The following PACRG variants were observed in gnomAD, a reference collection of about 807,000 sequenced individuals.
The protein encoded by PACRG is parkin coregulated gene protein.
PACRG carries 29 observed loss-of-function variants against 29.7 expected under a neutral mutation model. The observed-to-expected ratio is 0.98, with a 90% CI of 0.73 to 1.33. PACRG has a LOEUF of 1.33. PACRG is among the 40% of genes most tolerant of loss of function. The pLI, the probability that PACRG is intolerant of heterozygous loss-of-function variation, is 0.00. For synonymous variants in PACRG, 116 were observed against 118.7 expected (o/e 0.98, Z 0.15); for missense variants, 279 against 316.2 (o/e 0.88, Z 0.89).
At chr6:163,265,402 G>GT (rs544876655) in intron 4 of PACRG, among the ~76,000 whole-genome samples, 63 of 152,272 alleles carry the variant, frequency 4.1e-4, no homozygotes, top group African/African-American at 1.5e-3. Context: ...AGGGAAGGGG[G>GT]TGGGGGGCAC....
intron 1 of PACRG, among the ~76,000 whole-genome samples, chr6:162,785,991 C>T (rs1448302042): frequency 6.6e-6 from 1 of 152,240 alleles, no homozygotes; most frequent in Admixed American, 6.5e-5. Context: ...CCCATCACAA[C>T]AGAGTAATTG....
intron 4 of PACRG, among the ~76,000 whole-genome samples, chr6:163,291,523 G>A (rs111603285): frequency 1.6e-4 from 25 of 152,340 alleles, no homozygotes; most frequent in African/African-American, 6.0e-4. Flanking sequence ...CTATGGGCCC[G>A]CCCCGTTTCC....
intron 3 of PACRG, among the ~76,000 whole-genome samples, chr6:163,080,759 T>G (rs1349818031): frequency 2.6e-5 from 4 of 152,238 alleles, no homozygotes; most frequent in African/African-American, 9.6e-5. Flanking sequence ...GTCAGCCACT[T>G]GTAATGGCAA....
In PACRG at chr6:163,264,859, C is replaced by T. The variant is rs944566761; in HGVS notation, c.614-49968C>T. ...GTGCACAGAAAAACAGGTTAAGAAA[C>T]GAGTCTTTCGCAAGTATGTAGGCCT... On this transcript the variant is annotated intron_variant, in intron 4 of 4. Coordinates refer to ENST00000366888, the MANE Select transcript of PACRG (RefSeq NM_001080379.2). Among the ~76,000 whole-genome samples the T allele has an allele frequency of 6.6e-5, 10 of 152,224 alleles. No individual in the cohort carries two copies. The South Asian group carries it at 2.1e-3, about 32-fold the overall frequency.
At chr6:163,006,370 G>A (rs1366616330) in intron 2 of PACRG, among the ~76,000 whole-genome samples, 2 of 151,066 alleles carry the variant, frequency 1.3e-5, no homozygotes, top group Non-Finnish European at 3.0e-5. Context: ...TGTTCTGGGT[G>A]TAAAGAAGAT....
In PACRG at chr6:162,884,954, A is replaced by G. The variant is rs76542446; in HGVS notation, c.291+70673A>G. Among the ~76,000 whole-genome samples the G allele has an allele frequency of 5.0e-3, 758 of 152,222 alleles. 11 individuals are homozygous for G. Among genetic ancestry groups the G allele is most frequent in the African/African-American group, 0.017 (724 of 41,570 alleles). On this transcript the variant is annotated intron_variant, in intron 2 of 4. Transcript: ENST00000366888. ...TGTGCCATGCCACTTACACTTAAAC[A>G]GACAGAAGTTCTCTGCTCTGGGTCT... is the stretch of plus-strand genomic sequence containing the variant.
chr6:163,211,708 G>A (rs1781149759), intron 4 of PACRG, among the ~76,000 whole-genome samples: 1 of 152,102 alleles, frequency 6.6e-6, no homozygotes, highest in African/African-American at 2.4e-5. Context: ...CCCTATAAGA[G>A]TTACCAATGT....
intron 3 of PACRG, among the ~76,000 whole-genome samples, chr6:163,069,302 A>AAAG (rs1308623515): frequency 2.0e-5 from 3 of 151,942 alleles, no homozygotes; most frequent in African/African-American, 7.3e-5. Flanking sequence ...AAAAAAAAAA[A>AAAG]AGTAAGTTAG....
At chr6:163,308,604 T>C (rs761059399) in intron 4 of PACRG, among the ~76,000 whole-genome samples, 1 of 150,820 alleles carries the variant, frequency 6.6e-6, no homozygotes, top group Non-Finnish European at 1.5e-5. Flanking sequence ...AGGCAGAGGC[T>C]GTAGTGAGCC....
chr6:163,244,943 C>T (rs1782637474), intron 4 of PACRG: 1 of 394,318 alleles, frequency 2.5e-6, no homozygotes, highest in African/African-American at 2.1e-5. Flanking sequence ...TTTTTAGTAA[C>T]CCATCGACAA....
chr6:163,308,553 C>T (rs562544951), intron 4 of PACRG, among the ~76,000 whole-genome samples: 2 of 152,018 alleles, frequency 1.3e-5, no homozygotes, highest in Admixed American at 6.5e-5. Flanking sequence ...GTAATCCCAG[C>T]TACTCAGGAG....
chr6:163,085,997 C>T (rs375714594), intron 3 of PACRG, among the ~76,000 whole-genome samples: 18 of 152,302 alleles, frequency 1.2e-4, no homozygotes, highest in South Asian at 1.0e-3. Flanking sequence ...GTGAAGTGCT[C>T]GGTTTAATTC....
chr6:162,813,194 A>G (rs768373765), intron 1 of PACRG, among the ~76,000 whole-genome samples: 1 of 151,978 alleles, frequency 6.6e-6, no homozygotes, highest in Non-Finnish European at 1.5e-5. Context: ...ACAAATTAAC[A>G]TATAAAATAA....
At chr6:163,131,543 T>C (rs1195747526) in intron 4 of PACRG, among the ~76,000 whole-genome samples, 1 of 152,168 alleles carries the variant, frequency 6.6e-6, no homozygotes, top group East Asian at 1.9e-4. Context: ...AGGGTGGCCC[T>C]GTTGAGCCCT....
chr6:163,084,239 A>G (rs2056556607), intron 3 of PACRG, among the ~76,000 whole-genome samples: 1 of 152,218 alleles, frequency 6.6e-6, no homozygotes, highest in Non-Finnish European at 1.5e-5. Context: ...GCCCATCAAC[A>G]AAAGAATAAA....
intron 4 of PACRG, among the ~76,000 whole-genome samples, chr6:163,237,521 C>T (rs1314325221): frequency 6.6e-6 from 1 of 152,134 alleles, no homozygotes. Flanking sequence ...AAATGCTCAA[C>T]TTTTGTTGAA....
At chr6:163,156,368 C>G (rs1044678654) in intron 4 of PACRG, among the ~76,000 whole-genome samples, 2 of 152,204 alleles carry the variant, frequency 1.3e-5, no homozygotes, top group African/African-American at 2.4e-5. Context: ...CATCCCTGAG[C>G]ACCAGAGGAG....
chr6:162,760,477 G>A (rs1319369347), intron 1 of PACRG, among the ~76,000 whole-genome samples: 5 of 152,122 alleles, frequency 3.3e-5, no homozygotes, highest in African/African-American at 7.2e-5. Context: ...GGGGACAGTG[G>A]CAGATGAGGA....
intron 4 of PACRG, among the ~76,000 whole-genome samples, chr6:163,292,827 A>G (rs1194040951): frequency 1.3e-5 from 2 of 152,168 alleles, no homozygotes; most frequent in Non-Finnish European, 2.9e-5. Flanking sequence ...TCTAAACCAG[A>G]TTAGTTCAAA....
Sources: gnomAD v4.1 joint callset for allele counts (sites outside exome capture counted in the v4.1 genomes callset) on GRCh38, gnomAD v4.1.1 for gene constraint, MANE v1.5 for transcripts, NCBI Gene and HGNC (gene_info 2026-07-23, HGNC 2026-07-21) for gene names.